Variants in SLC6A6 observed in about 807,000 individuals in gnomAD.
The protein encoded by SLC6A6 is solute carrier family 6 member 6.
Under a neutral mutation model 68.8 loss-of-function variants are expected in SLC6A6, and 16 were observed. The observed-to-expected ratio is 0.23, with a 90% CI of 0.16 to 0.35. The LOEUF (loss-of-function observed/expected upper bound fraction) is 0.35, where lower values mean the gene tolerates loss of function less well. Ranked by LOEUF, SLC6A6 falls within the 10% of genes least tolerant of loss-of-function variation. The pLI, the probability that SLC6A6 is intolerant of heterozygous loss-of-function variation, is 1.00. For synonymous variants in SLC6A6, 312 were observed against 315.4 expected (o/e 0.99, Z 0.12); for missense variants, 474 against 802.8 (o/e 0.59, Z 4.95).
chr3:14,445,893 A>C (rs763856081), intron 4 of SLC6A6, 42 bp downstream of exon 4: 1 of 1,604,864 alleles, frequency 6.2e-7, no homozygotes. Flanking sequence ...GGCACTCATC[A>C]GTTCCACACA....
Position 14,478,408 on chromosome 3 carries a change from A to G in SLC6A6, c.1348-58A>G, listed in dbSNP as rs535062392. Reference sequence around the variant, plus strand: ...ATTGATATGCCAGAGCTCTTTGTATATGAAAGAAATTGGAGACCAGGTAGG... The same window carrying G: ...ATTGATATGCCAGAGCTCTTTGTATGTGAAAGAAATTGGAGACCAGGTAGG... On this transcript the variant is annotated intron_variant, in intron 11 of 14. Coordinates refer to ENST00000622186, the MANE Select transcript of SLC6A6 (RefSeq NM_003043.6). 97 of 1,011,456 alleles carry G rather than the reference A, an allele frequency of 9.6e-5. 2 individuals carry two copies. The South Asian group carries it at 1.1e-3, about 12-fold the overall frequency. 62.7% of individuals were successfully genotyped at this position (1,011,456 alleles called of 1,614,324 possible).
rs750360448 is a variant in SLC6A6 at position 14,477,743 on chromosome 3, C to G, written c.1347+401C>G. Among the ~76,000 whole-genome samples, 2 of 152,168 alleles carry G rather than the reference C, an allele frequency of 1.3e-5. No homozygotes were observed. Among genetic ancestry groups the G allele is most frequent in the Non-Finnish European group, 2.9e-5 (2 of 68,034 alleles). ...AATACCACAGCACCACGTAGAGGTG[C>G]ACCACCTTGCAGGTCACCTGCCACA... On this transcript the variant is annotated intron_variant, in intron 11 of 14. Coordinates refer to ENST00000622186, the MANE Select transcript of SLC6A6 (RefSeq NM_003043.6). The surrounding 1 kb of genome is among the most constrained non-coding windows in gnomAD (Gnocchi z 4.2).
chr3:14,407,555 T>G (rs1354469771), intron 1 of SLC6A6, among the ~76,000 whole-genome samples: 4 of 151,506 alleles, frequency 2.6e-5, no homozygotes, highest in African/African-American at 9.7e-5. Context: ...TTTCCCAGGC[T>G]GGAGTGCAGT....
Position 14,481,392 on chromosome 3 carries a change from G to C in SLC6A6, c.1552-279G>C, listed in dbSNP as rs1285375757. ...AGTTGAGGCAGATGAGGGAGGAAGGGGTACAGCTTCTGCTGACACTCCCGG... is the reference window on the plus strand; with the variant it reads ...AGTTGAGGCAGATGAGGGAGGAAGGCGTACAGCTTCTGCTGACACTCCCGG... On this transcript the variant is annotated intron_variant, in intron 13 of 14. Coordinates refer to ENST00000622186, the MANE Select transcript of SLC6A6 (RefSeq NM_003043.6). This position sits in a 1 kb window ranked among gnomAD's most constrained non-coding sequence, Gnocchi z 4.7. Among the ~76,000 whole-genome samples, 1 of 152,096 alleles carries C rather than the reference G, an allele frequency of 6.6e-6. No homozygotes were observed. Among genetic ancestry groups the C allele is most frequent in the Non-Finnish European group, 1.5e-5 (1 of 68,018 alleles).
intron 5 of SLC6A6, 63 bp downstream of exon 5, chr3:14,447,879 C>A: frequency 1.3e-6 from 2 of 1,588,410 alleles, no homozygotes; most frequent in Non-Finnish European, 8.6e-7. Flanking sequence ...TGGCCCACTT[C>A]CTTATCTCCT....
At chr3:14,409,036 C>T (rs1275327925) in intron 1 of SLC6A6, among the ~76,000 whole-genome samples, 11 of 152,196 alleles carry the variant, frequency 7.2e-5, no homozygotes, top group Admixed American at 5.2e-4. Flanking sequence ...TCTCGATCTC[C>T]TGACCTGGTG....
intron 1 of SLC6A6, among the ~76,000 whole-genome samples, chr3:14,408,783 A>G (rs1021441897): frequency 6.6e-6 from 1 of 151,192 alleles, no homozygotes; most frequent in Admixed American, 6.6e-5. Flanking sequence ...TTTGGAAGCT[A>G]GCTGTAGTTT....
chr3:14,436,665 G>A (rs1699863503), intron 2 of SLC6A6, among the ~76,000 whole-genome samples: 1 of 148,170 alleles, frequency 6.7e-6, no homozygotes, highest in Non-Finnish European at 1.5e-5. Flanking sequence ...TGCTCACTGA[G>A]CCTGTACCTA....
intron 3 of SLC6A6, among the ~76,000 whole-genome samples, chr3:14,444,512 G>A (rs2124945412): frequency 6.6e-6 from 1 of 152,224 alleles, no homozygotes; most frequent in African/African-American, 2.4e-5. Flanking sequence ...CAGGTCTTCT[G>A]TTACGGGGTT....
At chr3:14,484,110 C>T (rs1701078532) in intron 14 of SLC6A6, among the ~76,000 whole-genome samples, 1 of 152,162 alleles carries the variant, frequency 6.6e-6, no homozygotes, top group African/African-American at 2.4e-5. Flanking sequence ...TCTGAGTTGA[C>T]AGTTGGCAAG....
At chr3:14,418,283 C>T (rs556290120) in intron 2 of SLC6A6, among the ~76,000 whole-genome samples, 3 of 152,302 alleles carry the variant, frequency 2.0e-5, no homozygotes, top group Admixed American at 6.5e-5. Flanking sequence ...GTCCAGGGTT[C>T]GGATTGGTTG....
intron 3 of SLC6A6, 39 bp from the exon 4 acceptor site, chr3:14,445,678 T>C (rs377226178): frequency 1.2e-6 from 2 of 1,613,552 alleles, no homozygotes; most frequent in Admixed American, 1.7e-5. Context: ...GGCGCTGCCA[T>C]GGCCACAGCC....
At chr3:14,448,147 T>C in intron 5 of SLC6A6, 1 of 971,262 alleles carries the variant, frequency 1.0e-6, no homozygotes, top group South Asian at 2.8e-5. Flanking sequence ...TTTCTTAATG[T>C]ATTTTAGGAA....
At chr3:14,407,533 A>T in intron 1 of SLC6A6, among the ~76,000 whole-genome samples, 1 of 142,872 alleles carries the variant, frequency 7.0e-6, no homozygotes. Flanking sequence ...TTTGAGACAG[A>T]GTCTTATTCT....
chr3:14,453,562 T>A (rs1700301947), intron 5 of SLC6A6, among the ~76,000 whole-genome samples: 1 of 152,260 alleles, frequency 6.6e-6, no homozygotes, highest in Non-Finnish European at 1.5e-5. Context: ...ACTCAATTAA[T>A]GTCAGCTGAG....
rs557318871 is a variant in SLC6A6, at chr3:14,466,506, G to A, written c.733-10G>A. On this transcript the variant is annotated splice_polypyrimidine_tract_variant and intron_variant, in intron 6 of 14. Coordinates refer to ENST00000622186, the MANE Select transcript of SLC6A6 (RefSeq NM_003043.6). Reference sequence around the variant, plus strand: ...GCCCATGGCCTCCTGAATCCCTCTCGCCCTTGCAGGTCGTCTACTTCACAG... The same window carrying A: ...GCCCATGGCCTCCTGAATCCCTCTCACCCTTGCAGGTCGTCTACTTCACAG... The A allele has an allele frequency of 2.5e-5, 40 of 1,607,160 alleles. No individual in the cohort carries two copies. Among genetic ancestry groups the A allele is most frequent in the South Asian group, 7.7e-5 (7 of 90,694 alleles).
intron 2 of SLC6A6, among the ~76,000 whole-genome samples, chr3:14,424,675 C>A (rs965154668): frequency 2.0e-5 from 3 of 152,314 alleles, no homozygotes; most frequent in Admixed American, 2.0e-4. Context: ...TCCAACTGCC[C>A]CTTAAAGGTA....
intron 2 of SLC6A6, among the ~76,000 whole-genome samples, chr3:14,426,722 G>A (rs892663102): frequency 1.3e-5 from 2 of 152,184 alleles, no homozygotes; most frequent in Non-Finnish European, 2.9e-5. Context: ...GGAATTAGGA[G>A]AACCAAGGGT....
At chr3:14,410,526 C>G (rs973879604) in intron 1 of SLC6A6, among the ~76,000 whole-genome samples, 2 of 152,134 alleles carry the variant, frequency 1.3e-5, no homozygotes, top group African/African-American at 4.8e-5. Flanking sequence ...TGGAATAGAA[C>G]GTGGAAGGTA....
Sources: allele counts gnomAD v4.1 joint callset (sites outside exome capture counted in the v4.1 genomes callset), GRCh38; gene constraint gnomAD v4.1.1; non-coding constraint Gnocchi (gnomAD v3.1); transcripts MANE v1.5; gene names NCBI Gene and HGNC (gene_info 2026-07-23, HGNC 2026-07-21).